BRDT: variants seen among roughly 807,000 people sequenced by gnomAD.
BRDT encodes the protein bromodomain testis associated, also known as bromodomain testis-specific protein.
Under a neutral mutation model 113.9 loss-of-function variants are expected in BRDT, and 77 were observed. The ratio of observed to expected loss-of-function variants is 0.68; its 90% confidence interval spans 0.56 to 0.82. The LOEUF (loss-of-function observed/expected upper bound fraction) is 0.82, where lower values mean the gene tolerates loss of function less well. Among genes scored for constraint, BRDT ranks in the 40% least tolerant of loss-of-function variants. BRDT has a pLI of 0.00. For missense variants in BRDT, 1,027 were observed against 1,105.4 expected (o/e 0.93, Z 1.01); for synonymous variants, 358 against 366.5 (o/e 0.98, Z 0.26).
intron 1 of BRDT, among the ~76,000 whole-genome samples, chr1:91,952,848 C>T (rs1681269652): frequency 6.6e-6 from 1 of 150,844 alleles, no homozygotes. Context: ...ATCTAGAGTC[C>T]CTGGGAAAAG....
chr1:91,967,085 G>A (rs1570471909), intron 3 of BRDT, among the ~76,000 whole-genome samples: 2 of 152,042 alleles, frequency 1.3e-5, no homozygotes, highest in African/African-American at 4.8e-5. Context: ...TGTTGGTAGA[G>A]TTGGCTTAGA....
chr1:91,985,223 C>T (rs113347324), intron 12 of BRDT, among the ~76,000 whole-genome samples: 2,385 of 152,060 alleles, frequency 0.016, 46 homozygotes, highest in African/African-American at 0.046. Context: ...GCCACCACAC[C>T]GGCTAATTTT....
intron 6 of BRDT, 32 bp downstream of exon 6, chr1:91,977,425 T>C: frequency 7.0e-7 from 1 of 1,419,782 alleles, no homozygotes. Flanking sequence ...AGAACTTCTT[T>C]TTCTTGATTA....
chr1:91,973,521 G>T (rs528940973), intron 4 of BRDT, among the ~76,000 whole-genome samples: 5 of 152,066 alleles, frequency 3.3e-5, no homozygotes, highest in Admixed American at 1.3e-4. Context: ...TGGATTCCTA[G>T]GTATTTTATT....
chr1:92,005,064 G>A, intron 17 of BRDT, 55 bp from the exon 18 acceptor site: 1 of 1,270,700 alleles, frequency 7.9e-7, no homozygotes, highest in African/African-American at 1.5e-5. Context: ...TAACATTTTT[G>A]TAATACTTTT....
At chr1:91,956,674 A>C (rs947060109) in intron 1 of BRDT, among the ~76,000 whole-genome samples, 3 of 152,222 alleles carry the variant, frequency 2.0e-5, no homozygotes, top group Non-Finnish European at 4.4e-5. Flanking sequence ...GGTGTCTCAC[A>C]TCTGTAATCC....
intron 7 of BRDT, 127 bp downstream of exon 7, chr1:91,978,423 A>G (rs1405512498): frequency 3.7e-6 from 4 of 1,070,004 alleles, no homozygotes; most frequent in South Asian, 2.0e-5. Flanking sequence ...GGCAAAAACC[A>G]CAATTACTTT....
At chr1:92,006,138 T>C (rs1413662077) in intron 18 of BRDT, among the ~76,000 whole-genome samples, 1 of 152,240 alleles carries the variant, frequency 6.6e-6, no homozygotes, top group African/African-American at 2.4e-5. Flanking sequence ...ACTTATTTTA[T>C]GGCCTGGCTT....
intron 8 of BRDT, 95 bp downstream of exon 8, chr1:91,979,852 C>A: frequency 8.7e-7 from 1 of 1,145,402 alleles, no homozygotes; most frequent in Non-Finnish European, 1.2e-6. Context: ...ATAGTTAAAT[C>A]GCTTCATAAC....
At chr1:92,011,476 C>T (rs958069264) in intron 18 of BRDT, among the ~76,000 whole-genome samples, 1 of 151,822 alleles carries the variant, frequency 6.6e-6, no homozygotes, top group Non-Finnish European at 1.5e-5. Flanking sequence ...GACCTAAAGT[C>T]TTTCTTTTTT....
intron 18 of BRDT, among the ~76,000 whole-genome samples, chr1:92,006,495 T>C (rs189332619): frequency 3.7e-4 from 56 of 152,286 alleles, no homozygotes; most frequent in Non-Finnish European, 7.4e-4. Flanking sequence ...AGATGAAGTT[T>C]CGCTTTTGTT....
At chr1:92,001,958 G>C in intron 15 of BRDT, 91 bp from the exon 16 acceptor site, 2 of 862,162 alleles carry the variant, frequency 2.3e-6, no homozygotes, top group Non-Finnish European at 3.5e-6. Flanking sequence ...TGTTTTCATA[G>C]TGTCTGACCT....
At chr1:91,996,152 T>TAATTTGTATACAACAAATTATATACA (rs980082680) in intron 15 of BRDT, among the ~76,000 whole-genome samples, 54 of 152,256 alleles carry the variant, frequency 3.5e-4, no homozygotes, top group Non-Finnish European at 6.0e-4. Flanking sequence ...CCAGTGCCAT[T>TAATTTGTATACAACAAATTATATACA]AATTTGTATA....
intron 15 of BRDT, among the ~76,000 whole-genome samples, chr1:92,001,715 A>G (rs960435127): frequency 4.6e-5 from 7 of 151,512 alleles, no homozygotes; most frequent in Non-Finnish European, 1.0e-4. Context: ...AAAAAAACAC[A>G]CCTCTGGAGC....
At chr1:91,991,991 C>CAAA (rs764759925) in intron 13 of BRDT, among the ~76,000 whole-genome samples, 31 of 67,736 alleles carry the variant, frequency 4.6e-4, no homozygotes, top group African/African-American at 8.7e-4. Flanking sequence ...GACTCTGTCT[C>CAAA]AAAAAAAAAA....
chr1:91,985,873 C>G (rs983638580), intron 12 of BRDT, among the ~76,000 whole-genome samples: 7 of 148,812 alleles, frequency 4.7e-5, no homozygotes, highest in African/African-American at 1.5e-4. Flanking sequence ...CTCCTGACCT[C>G]GTGATCCGCC....
rs557800003 is a variant in BRDT at position 91,957,298 on chromosome 1, C to G, written c.-37-5420C>G. Among the ~76,000 whole-genome samples, 7 of 152,232 alleles carry G rather than the reference C, an allele frequency of 4.6e-5. No individual in the cohort carries two copies. The South Asian group carries it at 1.5e-3, about 32-fold the overall frequency. On this transcript the variant is annotated intron_variant, in intron 1 of 18. Coordinates refer to ENST00000399546, the MANE Select transcript of BRDT (RefSeq NM_207189.4). ...CACGAGGTCAGGAGATGGAGACCAT[C>G]CTGGCTAACACGGTGAAACCCTGTC...
chr1:91,956,117 C>A (rs1244637107), intron 1 of BRDT, among the ~76,000 whole-genome samples: 1 of 152,160 alleles, frequency 6.6e-6, no homozygotes, highest in Non-Finnish European at 1.5e-5. Context: ...AACATTTCTT[C>A]CTGTATACCT....
At chr1:91,988,142 C>T (rs1434988514) in intron 12 of BRDT, among the ~76,000 whole-genome samples, 3 of 152,108 alleles carry the variant, frequency 2.0e-5, no homozygotes, top group South Asian at 2.1e-4. Context: ...CCACCGTGCC[C>T]GGCCTATGGT....
Sources: gnomAD v4.1 joint callset for allele counts (sites outside exome capture counted in the v4.1 genomes callset) on GRCh38, gnomAD v4.1.1 for gene constraint, MANE v1.5 for transcripts, NCBI Gene and HGNC (gene_info 2026-07-23, HGNC 2026-07-21) for gene names.